The following RPS6KA5 variants were observed in gnomAD, a reference collection of about 807,000 sequenced individuals.
RPS6KA5 encodes the protein ribosomal protein S6 kinase alpha-5.
In RPS6KA5, 27 loss-of-function variants were observed where a neutral mutation model predicts 85.5. The observed-to-expected ratio is 0.32, with a 90% CI of 0.23 to 0.44. RPS6KA5 has a LOEUF of 0.44. Among genes scored for constraint, RPS6KA5 ranks in the 20% least tolerant of loss-of-function variants. The pLI is 1.00. For missense variants in RPS6KA5, 811 were observed against 980.9 expected (o/e 0.83, Z 2.31); for synonymous variants, 334 against 348.2 (o/e 0.96, Z 0.46).
rs1171706541 is a variant in RPS6KA5, at chr14:90,852,534, G to A, written c.*19540C>T. On this transcript the variant is annotated 3_prime_UTR_variant, in exon 17 of 17. Transcript: ENST00000614987. ...AAACATTTTCAATGAAAAGTGCAAA[G>A]GTTAAGGGAAAAACAGCATCTGATA... The A allele has an allele frequency of 6.6e-6, 1 of 152,056 alleles. No individual in the cohort carries two copies. The highest frequency in any genetic ancestry group is 1.5e-5 in the Non-Finnish European group (1 of 68,006). The allele number at this position is 152,056 out of a possible 1,614,324, so 9.4% of individuals were successfully genotyped here. A position where few individuals can be genotyped will look rare whatever the true frequency, so the allele number is the denominator to read the frequency against.
intron 7 of RPS6KA5, among the ~76,000 whole-genome samples, chr14:90,909,445 G>A (rs1401746217): frequency 6.6e-6 from 1 of 152,146 alleles, no homozygotes; most frequent in Non-Finnish European, 1.5e-5. Flanking sequence ...CCCCTCACGT[G>A]TATGTTATTT....
chr14:91,013,198 A>G (rs1046227202), intron 1 of RPS6KA5, among the ~76,000 whole-genome samples: 4 of 152,354 alleles, frequency 2.6e-5, no homozygotes, highest in South Asian at 4.1e-4. Flanking sequence ...CAGACTCTAC[A>G]TGTAAGCTAT....
rs371447897 is a variant in RPS6KA5, at chr14:90,852,192, T to C, written c.*19882A>G. On this transcript the variant is annotated 3_prime_UTR_variant, in exon 17 of 17. Transcript: ENST00000614987. Reference sequence around the variant, plus strand: ...TCACTGCAAGTTCTGCTTCCCGGGTTCACGCCATTCTCCTGCCTCAGCCTC... The same window carrying C: ...TCACTGCAAGTTCTGCTTCCCGGGTCCACGCCATTCTCCTGCCTCAGCCTC... 5.3e-4 allele frequency: 78 copies of C among 147,698 alleles called. 1 individual carries two copies. The highest frequency in any genetic ancestry group is 1.9e-3 in the African/African-American group (77 of 40,416). The allele number at this position is 147,698 out of a possible 1,614,324, so 9.1% of individuals were successfully genotyped here.
In RPS6KA5 at chr14:90,866,939, C is replaced by T. The variant is rs2140122276; in HGVS notation, c.*5135G>A. On this transcript the variant is annotated 3_prime_UTR_variant, in exon 17 of 17. Coordinates refer to ENST00000614987, the MANE Select transcript of RPS6KA5 (RefSeq NM_004755.4). ...AGCAAATAGGATAGCAGTATAGTAC[C>T]TAAAATAAACTATTAGGAATAACTG... The T allele has an allele frequency of 6.6e-6, 1 of 152,216 alleles. No individual in the cohort carries two copies. Among genetic ancestry groups the T allele is most frequent in the Non-Finnish European group, 1.5e-5 (1 of 68,008 alleles). 9.4% of individuals were successfully genotyped at this position (152,216 alleles called of 1,614,324 possible).
intron 3 of RPS6KA5, among the ~76,000 whole-genome samples, chr14:90,975,886 G>A (rs1375803079): frequency 6.6e-6 from 1 of 152,140 alleles, no homozygotes; most frequent in Non-Finnish European, 1.5e-5. Context: ...GAAGATAGAA[G>A]GGCATGATTT....
At chr14:91,057,881 C>T (rs755954851) in intron 1 of RPS6KA5, among the ~76,000 whole-genome samples, 27 of 152,202 alleles carry the variant, frequency 1.8e-4, no homozygotes, top group Non-Finnish European at 3.8e-4. Context: ...GGTGAAGTGA[C>T]TTGCCGATGT....
chr14:90,882,257 T>G (rs747533978), intron 14 of RPS6KA5, among the ~76,000 whole-genome samples: 6 of 152,238 alleles, frequency 3.9e-5, no homozygotes, highest in Non-Finnish European at 7.3e-5. Context: ...TAGAAAAACC[T>G]TTGCTCCTCT....
At position 91,060,450 on chromosome 14, in the gene RPS6KA5, C is replaced by T; in HGVS notation, c.-16G>A. 6.9e-7 allele frequency: 1 copy of T among 1,444,334 alleles called. No individual in the cohort carries two copies. The allele number at this position is 1,444,334 out of a possible 1,614,324, so 89.5% of individuals were successfully genotyped here. A position where few individuals can be genotyped will look rare whatever the true frequency, so the allele number is the denominator to read the frequency against. Reference sequence around the variant, plus strand: ...CCTCCTCCATCTTCTCCTTTTTTTCCGATCCCGCGGGTCGCTACGAGGGGA... The same window carrying T: ...CCTCCTCCATCTTCTCCTTTTTTTCTGATCCCGCGGGTCGCTACGAGGGGA... On this transcript the variant is annotated 5_prime_UTR_variant, in exon 1 of 17. Transcript: ENST00000614987.
Position 90,871,983 on chromosome 14 carries a change from C to T in RPS6KA5, c.*91G>A, listed in dbSNP as rs750733123. 40 of 1,487,208 alleles carry T rather than the reference C, an allele frequency of 2.7e-5. No individual in the cohort carries two copies. Among genetic ancestry groups the T allele is most frequent in the East Asian group, 2.3e-5 (1 of 43,930 alleles). The allele number at this position is 1,487,208 out of a possible 1,614,324, so 92.1% of individuals were successfully genotyped here. A position where few individuals can be genotyped will look rare whatever the true frequency, so the allele number is the denominator to read the frequency against. ...AGGAGGCAGATTCCAATGAGACCAA[C>T]GGGAAACATTTTTAAAAGCATAAAA... On this transcript the variant is annotated 3_prime_UTR_variant, in exon 17 of 17. Transcript: ENST00000614987.
rs570198310 is a variant in RPS6KA5 at position 91,051,934 on chromosome 14, C to T, written c.103+8398G>A. Reference sequence around the variant, plus strand: ...AAGACTAAAGCCTTCCCCCTAGGATCGGGAAAAGACAAGGAACTAACTTTG... The same window carrying T: ...AAGACTAAAGCCTTCCCCCTAGGATTGGGAAAAGACAAGGAACTAACTTTG... On this transcript the variant is annotated intron_variant, in intron 1 of 16. Coordinates refer to ENST00000614987, the MANE Select transcript of RPS6KA5 (RefSeq NM_004755.4). Among the ~76,000 whole-genome samples, 55 of 151,034 alleles carry T rather than the reference C, an allele frequency of 3.6e-4. 1 individual carries two copies. The highest frequency in any genetic ancestry group is 3.1e-4 in the Non-Finnish European group (21 of 67,316).
intron 11 of RPS6KA5, 51 bp from the exon 12 acceptor site, chr14:90,899,473 T>C (rs762798943): frequency 8.1e-7 from 1 of 1,227,238 alleles, no homozygotes; most frequent in Non-Finnish European, 1.2e-6. Flanking sequence ...AAAGTTTTTA[T>C]ATCAGTACTG....
chr14:91,010,001 G>C (rs150812940), intron 1 of RPS6KA5, among the ~76,000 whole-genome samples: 4 of 149,526 alleles, frequency 2.7e-5, no homozygotes, highest in Admixed American at 2.7e-4. Context: ...AGTGCATGAA[G>C]ACTGAGACAC....
intron 2 of RPS6KA5, among the ~76,000 whole-genome samples, chr14:90,992,736 T>C (rs1165041655): frequency 6.6e-6 from 1 of 152,216 alleles, no homozygotes; most frequent in African/African-American, 2.4e-5. Context: ...TTCTTAAAAC[T>C]GTACTGAGTG....
At chr14:91,044,495 G>A (rs2042785534) in intron 1 of RPS6KA5, among the ~76,000 whole-genome samples, 1 of 152,140 alleles carries the variant, frequency 6.6e-6, no homozygotes, top group Non-Finnish European at 1.5e-5. Flanking sequence ...CTTTAAATCC[G>A]TACCTAGAGG....
chr14:90,997,085 T>G (rs1330932322), intron 2 of RPS6KA5, among the ~76,000 whole-genome samples: 1 of 152,224 alleles, frequency 6.6e-6, no homozygotes, highest in Non-Finnish European at 1.5e-5. Flanking sequence ...AATATTTTTC[T>G]ATCACAGACT....
At chr14:91,031,971 T>A (rs975035710) in intron 1 of RPS6KA5, among the ~76,000 whole-genome samples, 5 of 152,164 alleles carry the variant, frequency 3.3e-5, no homozygotes, top group African/African-American at 2.4e-5. Flanking sequence ...TTTATATGGA[T>A]CGTTTTAATA....
intron 13 of RPS6KA5, among the ~76,000 whole-genome samples, chr14:90,891,642 T>A (rs975349901): frequency 2.6e-5 from 4 of 152,206 alleles, no homozygotes; most frequent in Admixed American, 6.5e-5. Context: ...AAACACATTA[T>A]AGATGGTATC....
intron 1 of RPS6KA5, among the ~76,000 whole-genome samples, chr14:91,051,760 A>G (rs2043090450): frequency 6.6e-6 from 1 of 151,996 alleles, no homozygotes; most frequent in Non-Finnish European, 1.5e-5. Context: ...AAGTGCTGGG[A>G]TTACAGGCAT....
chr14:90,987,488 A>G (rs1263300888), intron 2 of RPS6KA5, among the ~76,000 whole-genome samples: 2 of 152,130 alleles, frequency 1.3e-5, no homozygotes, highest in Admixed American at 6.5e-5. Context: ...CTAAATCTGT[A>G]GTAAAAAAAA....
Sources: allele counts gnomAD v4.1 joint callset (sites outside exome capture counted in the v4.1 genomes callset), GRCh38; gene constraint gnomAD v4.1.1; transcripts MANE v1.5; gene names NCBI Gene and HGNC (gene_info 2026-07-23, HGNC 2026-07-21).